The following PCDHGB1 variants were observed in gnomAD, a reference collection of about 807,000 sequenced individuals.
PCDHGB1 encodes the protein protocadherin gamma subfamily B, 1.
A neutral mutation model predicts 56.6 loss-of-function variants in PCDHGB1; 34 were observed. That is an observed-to-expected ratio of 0.60 (90% CI 0.46 to 0.80). PCDHGB1 has a LOEUF of 0.80. PCDHGB1 is among the 30% of genes least tolerant of loss of function. The pLI is 0.00. For synonymous variants in PCDHGB1, 561 were observed against 505.9 expected, an observed-to-expected ratio of 1.11 and a Z score of -1.46; for missense variants, 1,278 against 1,204.6, an observed-to-expected ratio of 1.06 and a Z score of -0.90.
intron 1 of PCDHGB1, chr5:141,398,973 C>T: frequency 6.2e-7 from 1 of 1,613,952 alleles, no homozygotes; most frequent in Non-Finnish European, 8.5e-7. Context: ...ATTCCTTCTA[C>T]AGAACCGGGC....
intron 1 of PCDHGB1, chr5:141,383,554 G>A (rs773842723): frequency 1.9e-6 from 3 of 1,612,524 alleles, no homozygotes; most frequent in Non-Finnish European, 2.5e-6. Context: ...TGATGGCGGC[G>A]ACCCGCCCCG....
rs762881601 is a variant in PCDHGB1, at chr5:141,392,998, A to ACGGAGTC, written c.2409+40332_2409+40338dup. 1.9e-6 allele frequency: 3 copies of ACGGAGTC among 1,613,876 alleles called. No individual in the cohort carries two copies. In the East Asian group the frequency reaches 6.7e-5, roughly 36 times the overall value. On this transcript the variant is annotated intron_variant, in intron 1 of 3. Transcript: ENST00000523390. ...CTGGACCCCCGGAAGCTGGCGAAGCACGGAGTCCGTATCGTCTCCAGAGGT... is the reference window on the plus strand; with the variant it reads ...CTGGACCCCCGGAAGCTGGCGAAGCACGGAGTCCGGAGTCCGTATCGTCTCCAGAGGT...
In PCDHGB1 at chr5:141,491,759, G is replaced by A; in HGVS notation, c.2410-3048G>A. On this transcript the variant is annotated intron_variant, in intron 1 of 3. Coordinates refer to ENST00000523390, the MANE Select transcript of PCDHGB1 (RefSeq NM_018922.3). The surrounding 1 kb of genome is among the most constrained non-coding windows in gnomAD (Gnocchi z 6.9). ...GGGGGCGGCACTGGAGAAGCCGCCC[G>A]TCCTCATAAGGGATTGAACTTGCAT... 2 of 1,575,392 alleles carry A rather than the reference G, an allele frequency of 1.3e-6. No homozygotes were observed. The highest frequency in any genetic ancestry group is 1.9e-5 in the Admixed American group (1 of 52,640).
intron 1 of PCDHGB1, among the ~76,000 whole-genome samples, chr5:141,438,511 C>G (rs1436337566): frequency 6.8e-6 from 1 of 146,550 alleles, no homozygotes; most frequent in Non-Finnish European, 1.5e-5. Context: ...AGTGCAAAAC[C>G]AATTATTTTA....
At chr5:141,356,417 C>T in intron 1 of PCDHGB1, 1 of 1,603,636 alleles carries the variant, frequency 6.2e-7, no homozygotes, top group South Asian at 1.1e-5. Context: ...CGGTTGTTGA[C>T]ACACAGAACA....
Position 141,432,220 on chromosome 5 carries a change from C to T in PCDHGB1, c.2410-62587C>T. The T allele has an allele frequency of 6.2e-7, 1 of 1,614,246 alleles. No homozygotes were observed. Among genetic ancestry groups the T allele is most frequent in the Non-Finnish European group, 8.5e-7 (1 of 1,180,040 alleles). Reference sequence around the variant, plus strand: ...CCGACTGTGAAGAGAACGCCCAGATCACTTATTCCCTGGCTGAGAACACCA... The same window carrying T: ...CCGACTGTGAAGAGAACGCCCAGATTACTTATTCCCTGGCTGAGAACACCA... On this transcript the variant is annotated intron_variant, in intron 1 of 3. Coordinates refer to ENST00000523390, the MANE Select transcript of PCDHGB1 (RefSeq NM_018922.3). The surrounding 1 kb of genome is among the most constrained non-coding windows in gnomAD (Gnocchi z 6.0).
intron 1 of PCDHGB1, chr5:141,374,444 G>T: frequency 6.2e-7 from 1 of 1,613,848 alleles, no homozygotes; most frequent in Non-Finnish European, 8.5e-7. Context: ...TCCCGTGGAA[G>T]TGGAAATAGT....
intron 1 of PCDHGB1, chr5:141,421,090 G>C (rs552694052): frequency 1.5e-6 from 1 of 661,192 alleles, no homozygotes; most frequent in Admixed American, 3.2e-5. Context: ...CACAGATCCT[G>C]ACACTGGAGA....
At chr5:141,415,767 T>TTTTTTTTTTTTTTTTTTTTTG (rs2095942916) in intron 1 of PCDHGB1, 1 of 1,300,668 alleles carries the variant, frequency 7.7e-7, no homozygotes, top group African/African-American at 1.8e-5. Flanking sequence ...TTTTTTTTTT[T>TTTTTTTTTTTTTTTTTTTTTG]TTTTTACTTT....
rs745961736 is a variant in PCDHGB1, at chr5:141,372,460, A to G, written c.2409+19791A>G. On this transcript the variant is annotated intron_variant, in intron 1 of 3. Coordinates refer to ENST00000523390, the MANE Select transcript of PCDHGB1 (RefSeq NM_018922.3). ...CCCTCTGACCCTCAGGCGGAGCTAC[A>G]GTTTCACCTAGTAGTGGCGTTGGCC... 6.2e-5 allele frequency: 100 copies of G among 1,614,006 alleles called. 1 individual carries two copies. The South Asian group carries it at 1.1e-3, about 17-fold the overall frequency.
intron 1 of PCDHGB1, chr5:141,398,636 A>G (rs770681129): frequency 6.2e-7 from 1 of 1,614,074 alleles, no homozygotes; most frequent in Non-Finnish European, 8.5e-7. Context: ...CTGCAGAAGT[A>G]TAAACTCTCT....
chr5:141,496,621 C>A (rs1297797187), intron 2 of PCDHGB1, among the ~76,000 whole-genome samples: 1 of 152,214 alleles, frequency 6.6e-6, no homozygotes. Context: ...AGCAGCAGAT[C>A]AAAAGGCTTG....
chr5:141,360,957 C>T (rs990313847), intron 1 of PCDHGB1: 1 of 1,613,904 alleles, frequency 6.2e-7, no homozygotes, highest in East Asian at 2.2e-5. Context: ...AAGGCATAAA[C>T]GCAGAGATCA....
chr5:141,350,922 G>A lies in PCDHGB1; in HGVS notation c.662G>A (p.Gly221Asp), dbSNP rs199977912. 1,048 of 1,614,058 alleles carry A rather than the reference G, an allele frequency of 6.5e-4. No homozygotes were observed. Among genetic ancestry groups the A allele is most frequent in the Non-Finnish European group, 8.3e-4 (980 of 1,179,894 alleles). ...GATGGCGGGGACCCGCCTCTAAGCG[G>A]CACCACCCATATCTGGATCCGAGTT... ...AMDGGDPPLS[G>D]TTHIWIRVTD... Residue 221 changes from glycine to aspartate, a missense_variant, in exon 1 of 4, where the codon GGC becomes GAC. By Grantham distance (94) the Gly-to-Asp change is moderately conservative. Coordinates refer to ENST00000523390, the MANE Select transcript of PCDHGB1 (RefSeq NM_018922.3).
At chr5:141,418,878 A>G (rs1193526475) in intron 1 of PCDHGB1, 2 of 1,613,930 alleles carry the variant, frequency 1.2e-6, no homozygotes, top group Non-Finnish European at 8.5e-7. Context: ...GTTGTAGACG[A>G]AAACGACAAC....
chr5:141,438,576 A>C (rs1016175176), intron 1 of PCDHGB1, among the ~76,000 whole-genome samples: 4 of 55,572 alleles, frequency 7.2e-5, no homozygotes, highest in Non-Finnish European at 1.2e-4. Context: ...TCTGATATAC[A>C]TACATACATA....
At chr5:141,364,270 G>A (rs1358806015) in intron 1 of PCDHGB1, 1 of 1,513,876 alleles carries the variant, frequency 6.6e-7, no homozygotes, top group African/African-American at 1.4e-5. Flanking sequence ...ATCGGCTTTA[G>A]ATAAATAAGG....
At chr5:141,464,131 G>C (rs982496493) in intron 1 of PCDHGB1, among the ~76,000 whole-genome samples, 19 of 152,056 alleles carry the variant, frequency 1.2e-4, no homozygotes, top group Admixed American at 2.0e-4. Flanking sequence ...TGGGTGTGGT[G>C]GTGGGCGCCT....
chr5:141,418,079 C>A, intron 1 of PCDHGB1: 1 of 1,614,048 alleles, frequency 6.2e-7, no homozygotes, highest in Non-Finnish European at 8.5e-7. Context: ...GGAGAAGCTG[C>A]ACTTCAGCGT....
Sources: allele counts gnomAD v4.1 joint callset (sites outside exome capture counted in the v4.1 genomes callset), GRCh38; gene constraint gnomAD v4.1.1; non-coding constraint Gnocchi (gnomAD v3.1); transcripts MANE v1.5; gene names NCBI Gene and HGNC (gene_info 2026-07-23, HGNC 2026-07-21).